Variants in ADAM12 observed in about 807,000 individuals in gnomAD.
ADAM12 encodes the protein ADAM metallopeptidase domain 12, also known as disintegrin and metalloproteinase domain-containing protein 12.
ADAM12 carries 70 observed loss-of-function variants against 106.4 expected under a neutral mutation model. The observed-to-expected ratio is 0.66, with a 90% CI of 0.54 to 0.80. The LOEUF is 0.80. Ranked by LOEUF, ADAM12 falls within the 30% of genes least tolerant of loss-of-function variation. The pLI, the probability that ADAM12 is intolerant of heterozygous loss-of-function variation, is 0.00. For synonymous variants in ADAM12, 420 were observed against 433.5 expected, an observed-to-expected ratio of 0.97 and a Z score of 0.39; for missense variants, 1,010 against 1,171.9, an observed-to-expected ratio of 0.86 and a Z score of 2.02.
intron 5 of ADAM12, among the ~76,000 whole-genome samples, chr10:126,128,013 C>T (rs1956233708): frequency 6.6e-6 from 1 of 151,796 alleles, no homozygotes; most frequent in South Asian, 2.1e-4. Flanking sequence ...AAGATTGGAT[C>T]CAAATTATGC....
intron 2 of ADAM12, among the ~76,000 whole-genome samples, chr10:126,289,734 T>C (rs1252790236): frequency 6.6e-6 from 1 of 152,234 alleles, no homozygotes; most frequent in African/African-American, 2.4e-5. Flanking sequence ...TTTTTCCATT[T>C]AAGAGGCTAC....
At chr10:126,210,647 A>C (rs1315803061) in intron 3 of ADAM12, among the ~76,000 whole-genome samples, 1 of 152,176 alleles carries the variant, frequency 6.6e-6, no homozygotes, top group East Asian at 1.9e-4. Context: ...GACGATGATG[A>C]CTGGGCCACG....
At chr10:126,264,505 G>A (rs1030512255) in intron 3 of ADAM12, among the ~76,000 whole-genome samples, 4 of 152,200 alleles carry the variant, frequency 2.6e-5, no homozygotes, top group Admixed American at 1.3e-4. Flanking sequence ...CTCCACTTAT[G>A]TTGAATCTAC....
chr10:126,272,886 G>T, intron 3 of ADAM12: 1 of 310,692 alleles, frequency 3.2e-6, no homozygotes, highest in Non-Finnish European at 6.7e-6. Context: ...GACTCTACAA[G>T]AAATCTAGAA....
chr10:126,279,727 CAA>C (rs1397524302), intron 2 of ADAM12, among the ~76,000 whole-genome samples: 4 of 56,620 alleles, frequency 7.1e-5, no homozygotes, highest in Non-Finnish European at 2.3e-4. Context: ...AACTTCGTCT[CAA>C]AAAAACAAAA....
chr10:126,375,309 A>G (rs1200012036), intron 1 of ADAM12, among the ~76,000 whole-genome samples: 1 of 152,060 alleles, frequency 6.6e-6, no homozygotes, highest in African/African-American at 2.4e-5. Context: ...AACTAGTTGC[A>G]TTGGATAAAT....
intron 4 of ADAM12, among the ~76,000 whole-genome samples, chr10:126,138,165 T>A (rs1307860959): frequency 6.6e-6 from 1 of 152,246 alleles, no homozygotes; most frequent in Non-Finnish European, 1.5e-5. Context: ...GTTGGGGATC[T>A]TTTCATGTGT....
chr10:126,202,051 G>A (rs1222425924), intron 3 of ADAM12, among the ~76,000 whole-genome samples: 5 of 152,158 alleles, frequency 3.3e-5, no homozygotes, highest in Admixed American at 1.3e-4. Context: ...CAGCACCAGT[G>A]CCAGGCCTCC....
chr10:126,101,774 T>C (rs1346120342), intron 8 of ADAM12, among the ~76,000 whole-genome samples: 1 of 152,156 alleles, frequency 6.6e-6, no homozygotes, highest in Non-Finnish European at 1.5e-5. Context: ...TCAACGCAGG[T>C]TTTAATAAAA....
chr10:126,314,790 G>A (rs1961273977), intron 2 of ADAM12, among the ~76,000 whole-genome samples: 1 of 152,078 alleles, frequency 6.6e-6, no homozygotes, highest in Non-Finnish European at 1.5e-5. Context: ...AAATCTAGCT[G>A]GAATAGGTAC....
chr10:126,256,748 G>T (rs1310331683), intron 3 of ADAM12, among the ~76,000 whole-genome samples: 2 of 152,216 alleles, frequency 1.3e-5, no homozygotes, highest in African/African-American at 2.4e-5. Context: ...GGCTTCAAAA[G>T]AATGGAGACA....
chr10:126,356,408 C>T (rs547438701), intron 1 of ADAM12, among the ~76,000 whole-genome samples: 1 of 152,274 alleles, frequency 6.6e-6, no homozygotes, highest in East Asian at 1.9e-4. Flanking sequence ...TCCCAGCCAT[C>T]TAGAGAATGG....
At position 126,385,879 on chromosome 10, in the gene ADAM12, AAAT is replaced by A. The variant is rs1473258613; in HGVS notation, c.88+2176_88+2178del. On this transcript the variant is annotated intron_variant, in intron 1 of 22. Transcript: ENST00000448723. ...CTTGAATGCTCTAACTCATGTTTGA[AAAT>A]AATAACTTTGGCTCTATTGTGGAGG... Among the ~76,000 whole-genome samples, 6 of 152,322 alleles carry A rather than the reference AAAT, an allele frequency of 3.9e-5. No individual in the cohort carries two copies. The East Asian group carries it at 1.2e-3, about 29-fold the overall frequency.
chr10:126,325,212 T>A (rs182429474), intron 2 of ADAM12, among the ~76,000 whole-genome samples: 3 of 152,160 alleles, frequency 2.0e-5, no homozygotes, highest in East Asian at 3.9e-4. Flanking sequence ...AGGGAATGGG[T>A]ATCAAGATAA....
chr10:126,179,523 G>A lies in ADAM12; in HGVS notation c.261-24218C>T, dbSNP rs143168484. 1.3e-3 allele frequency among the ~76,000 whole-genome samples: 198 copies of A among 152,246 alleles called. 5 individuals are homozygous for A. In the South Asian group the frequency reaches 0.025, roughly 20 times the overall value. ...TTTAGAACTGTTTTGCCCTTGTGAA[G>A]AAAAATGGGTCATACCTTTTGGATG... On this transcript the variant is annotated intron_variant, in intron 3 of 22. Transcript: ENST00000448723.
intron 2 of ADAM12, among the ~76,000 whole-genome samples, chr10:126,299,147 G>A (rs954452353): frequency 6.6e-6 from 1 of 152,000 alleles, no homozygotes; most frequent in Non-Finnish European, 1.5e-5. Context: ...AAGAGAGGAG[G>A]TAAACAGAAC....
At chr10:126,254,943 C>T (rs1200333858) in intron 3 of ADAM12, among the ~76,000 whole-genome samples, 2 of 152,206 alleles carry the variant, frequency 1.3e-5, no homozygotes, top group Non-Finnish European at 2.9e-5. Flanking sequence ...TGACATCAGT[C>T]CCCCTTTACA....
chr10:126,388,051 G>A lies in ADAM12; in HGVS notation c.88+7C>T. The A allele has an allele frequency of 8.2e-7, 1 of 1,217,932 alleles. No individual in the cohort carries two copies. The highest frequency in any genetic ancestry group is 1.0e-6 in the Non-Finnish European group (1 of 978,134). The allele number at this position is 1,217,932 out of a possible 1,614,324, so 75.4% of individuals were successfully genotyped here. A position where few individuals can be genotyped will look rare whatever the true frequency, so the allele number is the denominator to read the frequency against. On this transcript the variant is annotated splice_region_variant and intron_variant, in intron 1 of 22. Coordinates refer to ENST00000448723, the MANE Select transcript of ADAM12 (RefSeq NM_001288973.2). The surrounding 1 kb of genome is among the most constrained non-coding windows in gnomAD (Gnocchi z 4.4). ...GGGCAGCGAGCCGCCCTAGTTCGGC[G>A]ACTTACCTCGGGCCTCGCAGGGCGC...
rs139508245 is a variant in ADAM12 at position 126,101,102 on chromosome 10, C to T, written c.881G>A (p.Arg294His). 6.9e-5 allele frequency: 112 copies of T among 1,613,708 alleles called. No individual in the cohort carries two copies. The African/African-American group carries it at 7.2e-4, about 10-fold the overall frequency. The stretch of plus-strand genomic sequence containing the variant: ...AAGCTGCGCATTGTCATGGGATTTG[C>T]GAGGTAGAAGCTTCATCTTCCTCCA... The part of the protein sequence containing the change: ...LDWRKMKLLP[R>H]KSHDNAQLVS... The change falls in exon 9 of 23, where the codon CGC (arginine) becomes CAC (histidine). Residue 294 changes from arginine to histidine, a missense_variant. Coordinates refer to ENST00000448723, the MANE Select transcript of ADAM12 (RefSeq NM_001288973.2).
Sources: gnomAD v4.1 joint callset for allele counts (sites outside exome capture counted in the v4.1 genomes callset) on GRCh38, gnomAD v4.1.1 for gene constraint, Gnocchi (gnomAD v3.1) non-coding constraint, MANE v1.5 for transcripts, NCBI Gene and HGNC (gene_info 2026-07-23, HGNC 2026-07-21) for gene names.